STX16: variants seen among roughly 807,000 people sequenced by gnomAD.
The protein encoded by STX16 is syntaxin 16.
In STX16, 28 loss-of-function variants were observed where a neutral mutation model predicts 42.7. That is an observed-to-expected ratio of 0.66 (90% confidence interval 0.49 to 0.90). The LOEUF is 0.90. STX16 is among the 40% of genes least tolerant of loss of function. The probability of loss-of-function intolerance (pLI) is 0.00; values close to 1 mark genes in which losing one functional copy is unlikely to be tolerated. For missense variants in STX16, 361 were observed against 420.9 expected (o/e 0.86, Z 1.24); for synonymous variants, 156 against 155.2 (o/e 1.00, Z -0.04).
At chr20:58,673,413 G>T (rs570433771) in intron 7 of STX16, among the ~76,000 whole-genome samples, 6 of 152,236 alleles carry the variant, frequency 3.9e-5, no homozygotes, top group Admixed American at 2.0e-4. Flanking sequence ...CTTCTTTCTC[G>T]TGAGCTAGAT....
At chr20:58,654,370 G>A (rs1312194511) in intron 1 of STX16, among the ~76,000 whole-genome samples, 1 of 152,118 alleles carries the variant, frequency 6.6e-6, no homozygotes, top group Admixed American at 6.5e-5. Flanking sequence ...GTTAAAAAAT[G>A]GCATGTCATA....
chr20:58,670,399 G>A, intron 5 of STX16, 113 bp from the exon 6 acceptor site: 1 of 807,730 alleles, frequency 1.2e-6, no homozygotes, highest in Non-Finnish European at 2.0e-6. Flanking sequence ...AAGCGGCTAA[G>A]AATATCTCAA....
At chr20:58,660,939 A>G in intron 2 of STX16, among the ~76,000 whole-genome samples, 1 of 143,484 alleles carries the variant, frequency 7.0e-6, no homozygotes, top group East Asian at 2.0e-4. Flanking sequence ...ACAATTAGTT[A>G]AAAAAAAAAA....
At chr20:58,665,773 T>C (rs1314913781) in intron 2 of STX16, among the ~76,000 whole-genome samples, 1 of 152,108 alleles carries the variant, frequency 6.6e-6, no homozygotes, top group African/African-American at 2.4e-5. Context: ...TTGAGCACCG[T>C]TGGGCTTAAT....
At chr20:58,655,703 G>T (rs1218426861) in intron 1 of STX16, among the ~76,000 whole-genome samples, 2 of 152,102 alleles carry the variant, frequency 1.3e-5, no homozygotes, top group African/African-American at 4.8e-5. Context: ...GTTCCTTCGG[G>T]TCTTCCTTCT....
chr20:58,672,024 T>A (rs1379405614), intron 7 of STX16, among the ~76,000 whole-genome samples: 1 of 152,156 alleles, frequency 6.6e-6, no homozygotes, highest in Admixed American at 6.5e-5. Context: ...AACTTTGTTT[T>A]ATGCACAAAA....
Position 58,668,897 on chromosome 20 carries a change from A to G in STX16, c.394-394A>G, listed in dbSNP as rs537741030. On this transcript the variant is annotated intron_variant, in intron 4 of 8. Transcript: ENST00000371141. ...CTTTTGAGTGCCAATATGACACTCA[A>G]AGGAATGCTCATTGGAGCATTTTGG... 1.6e-4 allele frequency among the ~76,000 whole-genome samples: 24 copies of G among 152,332 alleles called. No individual in the cohort carries two copies. In the East Asian group the frequency reaches 3.9e-3, roughly 25 times the overall value.
At chr20:58,673,919 A>G (rs965983252) in intron 8 of STX16, among the ~76,000 whole-genome samples, 2 of 152,238 alleles carry the variant, frequency 1.3e-5, no homozygotes, top group Non-Finnish European at 2.9e-5. Flanking sequence ...TTCCAGGTGT[A>G]TCTCACACTT....
intron 2 of STX16, chr20:58,667,113 G>A (rs1393779986): frequency 3.6e-6 from 1 of 274,504 alleles, no homozygotes; most frequent in East Asian, 9.9e-5. Context: ...AAGAATCATT[G>A]AGGTTCATGC....
At chr20:58,652,286 G>A in intron 1 of STX16, 148 bp downstream of exon 1, 1 of 1,179,770 alleles carries the variant, frequency 8.5e-7, no homozygotes, top group Non-Finnish European at 1.2e-6. Context: ...AGAGTCAGGG[G>A]GCATCTGTAG....
At chr20:58,675,403 C>T (rs561530327) in intron 8 of STX16, among the ~76,000 whole-genome samples, 53 of 152,376 alleles carry the variant, frequency 3.5e-4, no homozygotes, top group African/African-American at 1.3e-3. Flanking sequence ...CTCTGCTGTC[C>T]TCTGGCTCTC....
chr20:58,661,215 A>ACAAC (rs1568817315), intron 2 of STX16, among the ~76,000 whole-genome samples: 1 of 152,260 alleles, frequency 6.6e-6, no homozygotes, highest in African/African-American at 2.4e-5. Context: ...CTTAGGTTGA[A>ACAAC]GAACCATTTG....
At chr20:58,672,166 C>G (rs2083993914) in intron 7 of STX16, among the ~76,000 whole-genome samples, 1 of 152,100 alleles carries the variant, frequency 6.6e-6, no homozygotes. Flanking sequence ...AACCCCGTCT[C>G]TGCTAAAAAT....
intron 2 of STX16, among the ~76,000 whole-genome samples, chr20:58,663,137 C>A (rs766500382): frequency 6.6e-6 from 1 of 152,178 alleles, no homozygotes; most frequent in Non-Finnish European, 1.5e-5. Flanking sequence ...CCAGAATTAT[C>A]GGTATTGTTC....
At chr20:58,669,805 G>GGTAA (rs1317895302) in intron 5 of STX16, among the ~76,000 whole-genome samples, 1 of 152,146 alleles carries the variant, frequency 6.6e-6, no homozygotes, top group Non-Finnish European at 1.5e-5. Flanking sequence ...CTCTTCAATA[G>GGTAA]GTAAAAAGCA....
intron 2 of STX16, among the ~76,000 whole-genome samples, chr20:58,664,628 G>T (rs2083774013): frequency 6.6e-6 from 1 of 152,168 alleles, no homozygotes; most frequent in Non-Finnish European, 1.5e-5. Context: ...AATTTGAGGG[G>T]AACACATGCA....
At position 58,662,123 on chromosome 20, in the gene STX16, T is replaced by A. The variant is rs538534885; in HGVS notation, c.144+2489T>A. On this transcript the variant is annotated intron_variant, in intron 2 of 8. Coordinates refer to ENST00000371141, the MANE Select transcript of STX16 (RefSeq NM_001001433.3). ...CTTTGTTCTCTGTCTTTAATCTACT[T>A]CCTGTCTTATGACAAAGAAATCTCT... is the stretch of plus-strand genomic sequence containing the variant. Among the ~76,000 whole-genome samples the A allele has an allele frequency of 5.3e-5, 8 of 152,276 alleles. No individual in the cohort carries two copies. In the South Asian group the frequency reaches 1.7e-3, roughly 32 times the overall value.
chr20:58,660,161 G>A (rs893099986), intron 2 of STX16, among the ~76,000 whole-genome samples: 1 of 152,142 alleles, frequency 6.6e-6, no homozygotes, highest in Non-Finnish European at 1.5e-5. Flanking sequence ...CCTAGCTGGG[G>A]GTGCCTTTGG....
Position 58,657,792 on chromosome 20 carries a change from T to C in STX16, c.133-1831T>C, listed in dbSNP as rs1339888849. Among the ~76,000 whole-genome samples, 1 of 152,138 alleles carries C rather than the reference T, an allele frequency of 6.6e-6. No individual in the cohort carries two copies. Among genetic ancestry groups the C allele is most frequent in the East Asian group, 1.9e-4 (1 of 5,192 alleles). On this transcript the variant is annotated intron_variant, in intron 1 of 8. Transcript: ENST00000371141. The surrounding 1 kb of genome is among the most constrained non-coding windows in gnomAD (Gnocchi z 4.2). ...AGCCTTCTATTTTTAAATAGCAGAA[T>C]GGTGGGGAGGGTCTTTGAAAAGGTG...
Sources: allele counts gnomAD v4.1 joint callset (sites outside exome capture counted in the v4.1 genomes callset), GRCh38; gene constraint gnomAD v4.1.1; non-coding constraint Gnocchi (gnomAD v3.1); transcripts MANE v1.5; gene names NCBI Gene and HGNC (gene_info 2026-07-23, HGNC 2026-07-21).